The following PCGF5 variants were observed in gnomAD, a reference collection of about 807,000 sequenced individuals.
PCGF5 encodes polycomb group RING finger protein 5.
Under a neutral mutation model 44.3 loss-of-function variants are expected in PCGF5, and 9 were observed. That is an observed-to-expected ratio of 0.20 (90% CI 0.12 to 0.35). The LOEUF (loss-of-function observed/expected upper bound fraction) is 0.35. Among genes scored for constraint, PCGF5 ranks in the 10% least tolerant of loss-of-function variants. PCGF5 has a pLI of 1.00. For missense variants in PCGF5, 146 were observed against 305.3 expected, an observed-to-expected ratio of 0.48 and a Z score of 3.89; for synonymous variants, 95 against 102.5, an observed-to-expected ratio of 0.93 and a Z score of 0.44.
chr10:91,266,603 T>C (rs1846052926), intron 8 of PCGF5, among the ~76,000 whole-genome samples: 1 of 152,118 alleles, frequency 6.6e-6, no homozygotes, highest in Non-Finnish European at 1.5e-5. Context: ...AGTAAAGTAA[T>C]ATATTAGCCC....
At chr10:91,234,048 G>C (rs1286951434) in intron 2 of PCGF5, among the ~76,000 whole-genome samples, 5 of 152,200 alleles carry the variant, frequency 3.3e-5, no homozygotes, top group Non-Finnish European at 5.9e-5. Flanking sequence ...AAGCTGGGAA[G>C]CTCACTCTCT....
intron 1 of PCGF5, among the ~76,000 whole-genome samples, chr10:91,172,320 G>A (rs1444212657): frequency 6.6e-6 from 1 of 152,200 alleles, no homozygotes; most frequent in East Asian, 1.9e-4. Context: ...ACCGGAGGGT[G>A]AAGCAGAAGA....
At position 91,282,961 on chromosome 10, in the gene PCGF5, T is replaced by A. The variant is rs1449493573; in HGVS notation, c.*4645T>A. On this transcript the variant is annotated 3_prime_UTR_variant, in exon 10 of 10. Transcript: ENST00000336126. ...AAGGAACATGTCTGCTAGATCTGGT[T>A]TATGAAAAAGTGAAAAATATTAAAT... is the stretch of plus-strand genomic sequence containing the variant. 1 of 152,280 alleles carries A rather than the reference T, an allele frequency of 6.6e-6. No homozygotes were observed. Among genetic ancestry groups the A allele is most frequent in the East Asian group, 1.9e-4 (1 of 5,200 alleles). 9.4% of individuals were successfully genotyped at this position (152,280 alleles called of 1,614,324 possible). A position where few individuals can be genotyped will look rare whatever the true frequency, so the allele number is the denominator to read the frequency against.
intron 1 of PCGF5, among the ~76,000 whole-genome samples, chr10:91,213,481 T>A (rs1844489148): frequency 6.6e-6 from 1 of 152,004 alleles, no homozygotes; most frequent in Non-Finnish European, 1.5e-5. Context: ...AATTTTTTTT[T>A]AAGATGAAGT....
intron 1 of PCGF5, among the ~76,000 whole-genome samples, chr10:91,210,293 G>T (rs1226233079): frequency 6.6e-6 from 1 of 152,152 alleles, no homozygotes; most frequent in Non-Finnish European, 1.5e-5. Context: ...TGTGTTCATT[G>T]AACGATGTGG....
chr10:91,278,150 A>G, intron 9 of PCGF5, 119 bp from the exon 10 acceptor site: 2 of 784,998 alleles, frequency 2.5e-6, no homozygotes, highest in South Asian at 3.7e-5. Context: ...AACTGTTGTA[A>G]TCACTAGTAC....
upstream of PCGF5, among the ~76,000 whole-genome samples, chr10:91,219,653 A>G (rs1370623558): frequency 1.3e-5 from 2 of 152,256 alleles, no homozygotes; most frequent in South Asian, 2.1e-4. Context: ...TTAAAGGACT[A>G]TACGAATGTG....
chr10:91,229,717 T>C (rs188954794), intron 2 of PCGF5, among the ~76,000 whole-genome samples: 1 of 152,132 alleles, frequency 6.6e-6, no homozygotes, highest in Non-Finnish European at 1.5e-5. Context: ...AATTTATGAT[T>C]CTGAATGAAT....
In PCGF5 at chr10:91,283,833, T is replaced by A. The variant is rs1402655669; in HGVS notation, c.*5517T>A. ...GTAAAGTTATGTTGCTAATTTTCCT[T>A]TGAAATATAAAATATTTTAAGCTTT... On this transcript the variant is annotated 3_prime_UTR_variant, in exon 10 of 10. Coordinates refer to ENST00000336126, the MANE Select transcript of PCGF5 (RefSeq NM_032373.5). 6.6e-6 allele frequency: 1 copy of A among 152,648 alleles called. No homozygotes were observed. Among genetic ancestry groups the A allele is most frequent in the African/African-American group, 2.4e-5 (1 of 41,456 alleles). The allele number at this position is 152,648 out of a possible 1,614,324, so 9.5% of individuals were successfully genotyped here.
intron 1 of PCGF5, among the ~76,000 whole-genome samples, chr10:91,180,736 T>C (rs1156950266): frequency 2.0e-5 from 3 of 152,234 alleles, no homozygotes; most frequent in Admixed American, 6.5e-5. Context: ...AGTACCATGC[T>C]GTTTTGGTTA....
intron 9 of PCGF5, among the ~76,000 whole-genome samples, chr10:91,275,490 G>T (rs1216043736): frequency 6.6e-6 from 1 of 151,366 alleles, no homozygotes; most frequent in African/African-American, 2.4e-5. Flanking sequence ...TGCCAGGCTG[G>T]AATGCAGTGG....
At chr10:91,268,884 A>G (rs1480208985) in intron 8 of PCGF5, among the ~76,000 whole-genome samples, 1 of 152,134 alleles carries the variant, frequency 6.6e-6, no homozygotes, top group Non-Finnish European at 1.5e-5. Context: ...AGGAATCAAA[A>G]CAAACAGCTG....
intron 1 of PCGF5, among the ~76,000 whole-genome samples, chr10:91,203,413 C>T (rs1005976622): frequency 2.0e-5 from 3 of 152,036 alleles, no homozygotes; most frequent in Non-Finnish European, 4.4e-5. Flanking sequence ...TAGATTGATC[C>T]CCTGCAAATG....
intron 1 of PCGF5, among the ~76,000 whole-genome samples, chr10:91,179,152 T>G (rs1165299961): frequency 6.6e-6 from 1 of 152,092 alleles, no homozygotes; most frequent in Admixed American, 6.6e-5. Context: ...ATTCCCATCC[T>G]GTCCTCTCTC....
chr10:91,267,784 T>C (rs1846082251), intron 8 of PCGF5, among the ~76,000 whole-genome samples: 1 of 152,184 alleles, frequency 6.6e-6, no homozygotes, highest in Admixed American at 6.6e-5. Flanking sequence ...AATCATCCAC[T>C]GCCAGCAAGA....
the PCGF5 span, among the ~76,000 whole-genome samples, chr10:91,157,230 T>G: frequency 6.6e-6 from 1 of 152,196 alleles, no homozygotes; most frequent in Admixed American, 6.5e-5. Context: ...ACCCTTTGAG[T>G]TAGGCACATA....
At position 91,225,309 on chromosome 10, in the gene PCGF5, A is replaced by G. The variant is rs572676187; in HGVS notation, c.112+2326A>G. On this transcript the variant is annotated intron_variant, in intron 2 of 9. Coordinates refer to ENST00000336126, the MANE Select transcript of PCGF5 (RefSeq NM_032373.5). ...TATAACATATATATAACATATATAT[A>G]TAACATATATGTATGTTCTCAACAG... Among the ~76,000 whole-genome samples, 10 of 148,600 alleles carry G rather than the reference A, an allele frequency of 6.7e-5. No homozygotes were observed. In the East Asian group the frequency reaches 1.2e-3, roughly 17 times the overall value.
intron 2 of PCGF5, among the ~76,000 whole-genome samples, chr10:91,237,633 A>G (rs1361164709): frequency 6.6e-6 from 1 of 152,094 alleles, no homozygotes; most frequent in African/African-American, 2.4e-5. Context: ...AATCCCAGCT[A>G]CTAGGGAGGC....
upstream of PCGF5, among the ~76,000 whole-genome samples, chr10:91,162,232 A>G (rs912880332): frequency 2.1e-5 from 3 of 143,610 alleles, no homozygotes; most frequent in African/African-American, 7.7e-5. Flanking sequence ...ATGAGGCATT[A>G]AGGCTCGAGG....
Sources: gnomAD v4.1 joint callset for allele counts (sites outside exome capture counted in the v4.1 genomes callset) on GRCh38, gnomAD v4.1.1 for gene constraint, MANE v1.5 for transcripts, NCBI Gene and HGNC (gene_info 2026-07-23, HGNC 2026-07-21) for gene names.